Variants in LARGE1 observed in about 807,000 individuals in gnomAD.
The protein encoded by LARGE1 is LARGE xylosyl- and glucuronyltransferase 1.
A neutral mutation model predicts 87.6 loss-of-function variants in LARGE1; 43 were observed. The ratio of observed to expected loss-of-function variants is 0.49; its 90% confidence interval spans 0.38 to 0.63. The LOEUF (loss-of-function observed/expected upper bound fraction) is 0.63, where lower values mean the gene tolerates loss of function less well. Among genes scored for constraint, LARGE1 ranks in the 30% least tolerant of loss-of-function variants. LARGE1 has a pLI of 0.00. For synonymous variants in LARGE1, 434 were observed against 394.6 expected (o/e 1.10, Z -1.18); for missense variants, 802 against 1,000.2 (o/e 0.80, Z 2.67).
At chr22:33,131,353 T>C in the LARGE1 span, among the ~76,000 whole-genome samples, 10 of 152,208 alleles carry the variant, frequency 6.6e-5, no homozygotes, top group South Asian at 6.2e-4. Flanking sequence ...TTTTTCCTTT[T>C]TTAATGGCCC....
chr22:33,863,845 A>G (rs1352672120), intron 1 of LARGE1, among the ~76,000 whole-genome samples: 1 of 152,132 alleles, frequency 6.6e-6, no homozygotes, highest in East Asian at 1.9e-4. Context: ...GAACTGGAAG[A>G]CACTAAAAGT....
chr22:33,343,562 C>A (rs1187749004), intron 9 of LARGE1, among the ~76,000 whole-genome samples: 1 of 151,864 alleles, frequency 6.6e-6, no homozygotes, highest in East Asian at 1.9e-4. Flanking sequence ...TCCTCAGTAG[C>A]CCCCTACTGT....
intron 11 of LARGE1, among the ~76,000 whole-genome samples, chr22:33,246,911 T>A (rs1448512980): frequency 1.3e-5 from 2 of 152,242 alleles, no homozygotes; most frequent in African/African-American, 4.8e-5. Flanking sequence ...CTGGGATCTA[T>A]GCCAACAGTA....
intron 12 of LARGE1, among the ~76,000 whole-genome samples, chr22:33,283,578 C>G (rs1358718505): frequency 6.6e-6 from 1 of 152,130 alleles, no homozygotes; most frequent in Non-Finnish European, 1.5e-5. Flanking sequence ...AGTTTGAGAC[C>G]AGCCTGGCCA....
At chr22:33,695,555 T>C (rs2082217253) in intron 2 of LARGE1, among the ~76,000 whole-genome samples, 1 of 152,210 alleles carries the variant, frequency 6.6e-6, no homozygotes, top group Non-Finnish European at 1.5e-5. Context: ...CCCTGTGATG[T>C]ACCAAGACCC....
At chr22:33,424,465 A>G (rs749308391) in intron 7 of LARGE1, among the ~76,000 whole-genome samples, 1 of 152,182 alleles carries the variant, frequency 6.6e-6, no homozygotes, top group Admixed American at 6.6e-5. Flanking sequence ...AGAGTGATTA[A>G]GCAGGTGCAA....
chr22:33,622,438 A>C (rs1602766317), intron 4 of LARGE1, among the ~76,000 whole-genome samples: 1 of 152,198 alleles, frequency 6.6e-6, no homozygotes, highest in African/African-American at 2.4e-5. Context: ...GAGTCAATTA[A>C]ACCCCTTTCC....
intron 12 of LARGE1, among the ~76,000 whole-genome samples, chr22:33,295,369 G>A (rs1044552724): frequency 8.5e-5 from 13 of 152,204 alleles, no homozygotes; most frequent in African/African-American, 3.1e-4. Context: ...CATGCGTGTG[G>A]GTGCCTATGT....
chr22:33,299,169 C>T (rs942703270), intron 12 of LARGE1, among the ~76,000 whole-genome samples: 1 of 151,576 alleles, frequency 6.6e-6, no homozygotes, highest in Non-Finnish European at 1.5e-5. Context: ...GCCATGATTG[C>T]ACCATTCCAC....
chr22:33,486,423 C>A (rs2069576775), intron 6 of LARGE1, among the ~76,000 whole-genome samples: 2 of 152,090 alleles, frequency 1.3e-5, no homozygotes, highest in Non-Finnish European at 2.9e-5. Context: ...TATCAATTGG[C>A]TAATCAGCAC....
At chr22:33,399,320 CTTT>C (rs1298772674) in intron 7 of LARGE1, among the ~76,000 whole-genome samples, 3 of 152,122 alleles carry the variant, frequency 2.0e-5, no homozygotes, top group Admixed American at 2.0e-4. Flanking sequence ...TGAACTCATT[CTTT>C]TTTATGGCTG....
chr22:33,775,660 T>C (rs2085211062), intron 1 of LARGE1, among the ~76,000 whole-genome samples: 1 of 152,074 alleles, frequency 6.6e-6, no homozygotes, highest in African/African-American at 2.4e-5. Context: ...GAGACCAGCC[T>C]GGCCAACATG....
intron 9 of LARGE1, among the ~76,000 whole-genome samples, chr22:33,349,981 AT>A (rs1259834044): frequency 6.6e-6 from 1 of 152,234 alleles, no homozygotes; most frequent in Non-Finnish European, 1.5e-5. Context: ...CAATGCATGA[AT>A]CCCAGGCCTT....
intron 6 of LARGE1, among the ~76,000 whole-genome samples, chr22:33,530,390 T>C (rs142306370): frequency 1.7e-4 from 26 of 151,778 alleles, no homozygotes; most frequent in African/African-American, 6.0e-4. Flanking sequence ...TGGCCCAGAA[T>C]TTGGAAACGT....
intron 5 of LARGE1, among the ~76,000 whole-genome samples, chr22:33,574,136 C>A (rs1193205478): frequency 6.6e-6 from 1 of 152,148 alleles, no homozygotes; most frequent in African/African-American, 2.4e-5. Context: ...ATCTTGGAAA[C>A]TGGCTACCAC....
chr22:33,277,254 A>G lies in LARGE1; in HGVS notation c.1879T>C (p.Tyr627His), dbSNP rs965265496. ...GCGTGGCCTTTCGTCCAGACGTGGTACCTGAGACACACGGAGAAAAGCCAT... is the reference window on the plus strand; with the variant it reads ...GCGTGGCCTTTCGTCCAGACGTGGTGCCTGAGACACACGGAGAAAAGCCAT... ...LDMGTLFTFR[Y>H]HVWTKGHAPT... Residue 627 changes from tyrosine (Y) to histidine (H), a missense_variant and splice_region_variant, in exon 14 of 15, where the codon TAC becomes CAC. Physicochemically the swap from Tyr to His is moderately conservative, Grantham distance 83 (BLOSUM62 2). Around this residue, in one of 2 missense-constraint regions of LARGE1, gnomAD observed 625 missense variants for 841.9 expected, o/e 0.74. Transcript: ENST00000397394. 1 of 1,614,110 alleles carries G rather than the reference A, an allele frequency of 6.2e-7. No individual in the cohort carries two copies. Among genetic ancestry groups the G allele is most frequent in the African/African-American group, 1.3e-5 (1 of 75,070 alleles).
chr22:33,523,548 T>C (rs188264183), intron 6 of LARGE1, among the ~76,000 whole-genome samples: 1 of 152,312 alleles, frequency 6.6e-6, no homozygotes, highest in African/African-American at 2.4e-5. Context: ...TCTTGGAAAA[T>C]CTTAATGAAG....
chr22:33,444,447 A>T (rs185833997), intron 6 of LARGE1, among the ~76,000 whole-genome samples: 1 of 152,252 alleles, frequency 6.6e-6, no homozygotes, highest in Admixed American at 6.5e-5. Context: ...GCTGGAGTGC[A>T]GTGGCATGAT....
intron 6 of LARGE1, among the ~76,000 whole-genome samples, chr22:33,485,557 A>ATT: frequency 6.6e-6 from 1 of 152,214 alleles, no homozygotes; most frequent in Non-Finnish European, 1.5e-5. Context: ...AAAATATGCA[A>ATT]ACTAGAAATA....
Sources: allele counts gnomAD v4.1 joint callset (sites outside exome capture counted in the v4.1 genomes callset), GRCh38; gene constraint gnomAD v4.1.1; regional missense constraint gnomAD v4.1.1; transcripts MANE v1.5; gene names NCBI Gene and HGNC (gene_info 2026-07-23, HGNC 2026-07-21).